The following SEPTIN7 variants were observed in gnomAD, a reference collection of about 807,000 sequenced individuals.
SEPTIN7 encodes the protein septin 7.
In SEPTIN7, 10 loss-of-function variants were observed where a neutral mutation model predicts 63.3. That is an observed-to-expected ratio of 0.16 (90% CI 0.10 to 0.27). SEPTIN7 has a LOEUF of 0.27. SEPTIN7 is among the 10% of genes least tolerant of loss of function. The probability of loss-of-function intolerance (pLI) is 1.00; values close to 1 mark genes in which losing one functional copy is unlikely to be tolerated. For synonymous variants in SEPTIN7, 131 were observed against 165.3 expected (o/e 0.79, Z 1.59); for missense variants, 310 against 521.0 (o/e 0.59, Z 3.94).
At chr7:35,811,668 C>T (rs1453824433) in intron 1 of SEPTIN7, among the ~76,000 whole-genome samples, 1 of 151,962 alleles carries the variant, frequency 6.6e-6, no homozygotes. Flanking sequence ...GGGCTGATCA[C>T]TTGAGGTCAG....
intron 7 of SEPTIN7, among the ~76,000 whole-genome samples, chr7:35,882,193 C>G (rs1786920868): frequency 6.6e-6 from 1 of 151,652 alleles, no homozygotes; most frequent in Non-Finnish European, 1.5e-5. Flanking sequence ...TCAGAGAAAT[C>G]CCTTTCTGGA....
intron 1 of SEPTIN7, among the ~76,000 whole-genome samples, chr7:35,823,802 T>C (rs570197309): frequency 1.3e-5 from 2 of 152,300 alleles, no homozygotes; most frequent in African/African-American, 4.8e-5. Flanking sequence ...AGTCTCTCTC[T>C]CTATTCTTAT....
At chr7:35,805,406 TTTA>T (rs1232710941) in intron 1 of SEPTIN7, among the ~76,000 whole-genome samples, 1 of 152,206 alleles carries the variant, frequency 6.6e-6, no homozygotes, top group African/African-American at 2.4e-5. Context: ...GCCCCAATTT[TTTA>T]TTATTAGTTT....
rs747750476 is a variant in SEPTIN7, at chr7:35,863,586, C to T, written c.204C>T (p.Asn68=). The T allele has an allele frequency of 2.9e-5, 46 of 1,590,672 alleles. No homozygotes were observed. The highest frequency in any genetic ancestry group is 7.7e-6 in the Non-Finnish European group (9 of 1,175,408). Residue 68 remains asparagine, a synonymous_variant, in exon 4 of 14, where the codon AAC becomes AAT. Coordinates refer to ENST00000350320, the MANE Select transcript of SEPTIN7 (RefSeq NM_001788.6). ...GATTGGGAAAGTCGACATTAATCAA[C>T]TCATTATTCCTCACAGATTTGTATT... ...ESGLGKSTLI[N]SLFLTDLYSP...
At chr7:35,839,280 T>C (rs1583540224) in intron 3 of SEPTIN7, among the ~76,000 whole-genome samples, 1 of 152,220 alleles carries the variant, frequency 6.6e-6, no homozygotes, top group East Asian at 1.9e-4. Flanking sequence ...TAATCATTAA[T>C]ATATGCTGTG....
intron 3 of SEPTIN7, among the ~76,000 whole-genome samples, chr7:35,838,181 T>C (rs979163014): frequency 1.3e-5 from 2 of 152,094 alleles, no homozygotes; most frequent in African/African-American, 4.8e-5. Context: ...GACATTTTTT[T>C]CCAGAATTTT....
At chr7:35,852,810 A>G (rs1360360976) in intron 3 of SEPTIN7, among the ~76,000 whole-genome samples, 1 of 152,166 alleles carries the variant, frequency 6.6e-6, no homozygotes, top group Non-Finnish European at 1.5e-5. Context: ...GAGTCAATAC[A>G]ATAACCTACA....
At chr7:35,872,890 A>G in intron 5 of SEPTIN7, 124 bp downstream of exon 5, 1 of 668,866 alleles carries the variant, frequency 1.5e-6, no homozygotes, top group South Asian at 1.9e-5. Flanking sequence ...AAGCAACATG[A>G]CTTGGGTTTG....
In SEPTIN7 at chr7:35,904,275, GA is replaced by G; in HGVS notation, c.1299del (p.Lys435ArgfsTer14). ...SSRTLEKNKK[K>X]GKIF ...TTAGAACCTTGGAAAAGAACAAGAA[GA>G]AAGGGAAGATCTTTTAAACTCTCTA... On this transcript the variant is annotated frameshift_variant, in exon 14 of 14. Coordinates refer to ENST00000350320, the MANE Select transcript of SEPTIN7 (RefSeq NM_001788.6). LOFTEE classifies it high-confidence loss of function. 1 of 1,564,404 alleles carries G rather than the reference GA, an allele frequency of 6.4e-7. No individual in the cohort carries two copies. The highest frequency in any genetic ancestry group is 8.7e-7 in the Non-Finnish European group (1 of 1,154,134).
chr7:35,859,319 T>C (rs1785377965), intron 3 of SEPTIN7, among the ~76,000 whole-genome samples: 1 of 152,202 alleles, frequency 6.6e-6, no homozygotes, highest in African/African-American at 2.4e-5. Flanking sequence ...CTAGTTTCCC[T>C]CCATTACTGA....
intron 12 of SEPTIN7, 32 bp from the exon 13 acceptor site, chr7:35,903,044 A>G (rs1396042635): frequency 6.6e-7 from 1 of 1,521,718 alleles, no homozygotes; most frequent in Non-Finnish European, 8.8e-7. Flanking sequence ...TTTCTTAAAT[A>G]GTTTTGTTTT....
chr7:35,892,025 G>A (rs1467464252), intron 11 of SEPTIN7, among the ~76,000 whole-genome samples: 1 of 152,168 alleles, frequency 6.6e-6, no homozygotes, highest in African/African-American at 2.4e-5. Context: ...CCACTGGGCA[G>A]TAGGAATCTA....
At chr7:35,844,607 CTTT>C (rs34242959) in intron 3 of SEPTIN7, among the ~76,000 whole-genome samples, 4 of 150,276 alleles carry the variant, frequency 2.7e-5, no homozygotes, top group African/African-American at 9.8e-5. Context: ...TTTACCTAGT[CTTT>C]TTTTTTTGAG....
intron 1 of SEPTIN7, among the ~76,000 whole-genome samples, chr7:35,804,842 T>G (rs542867838): frequency 4.7e-5 from 7 of 148,430 alleles, no homozygotes; most frequent in East Asian, 3.9e-4. Flanking sequence ...TTTGTTTTTT[T>G]TTTTTTTTTT....
At chr7:35,912,690 A>G in the SEPTIN7 span, among the ~76,000 whole-genome samples, 1 of 152,238 alleles carries the variant, frequency 6.6e-6, no homozygotes, top group African/African-American at 2.4e-5. Context: ...AGGCCTCCAG[A>G]AAAAGAGACA....
chr7:35,873,065 T>A (rs1786256169), intron 5 of SEPTIN7, among the ~76,000 whole-genome samples: 1 of 152,148 alleles, frequency 6.6e-6, no homozygotes, highest in Admixed American at 6.5e-5. Flanking sequence ...AATTTAAAAC[T>A]GTTCACTTTA....
At chr7:35,826,691 C>T (rs1169245026) in intron 1 of SEPTIN7, among the ~76,000 whole-genome samples, 1 of 151,914 alleles carries the variant, frequency 6.6e-6, no homozygotes, top group Non-Finnish European at 1.5e-5. Flanking sequence ...ATTAGGCATC[C>T]ATTCTGTTAC....
chr7:35,839,945 G>C (rs1423008636), intron 3 of SEPTIN7, among the ~76,000 whole-genome samples: 2 of 152,084 alleles, frequency 1.3e-5, no homozygotes, highest in Non-Finnish European at 2.9e-5. Context: ...TAAACACACA[G>C]AGTTTTGTTA....
At chr7:35,871,978 T>C (rs539934992) in intron 4 of SEPTIN7, among the ~76,000 whole-genome samples, 1 of 152,184 alleles carries the variant, frequency 6.6e-6, no homozygotes, top group Non-Finnish European at 1.5e-5. Flanking sequence ...GTTGTTATCA[T>C]TTAAGTCCAA....
Sources: gnomAD v4.1 joint callset for allele counts (sites outside exome capture counted in the v4.1 genomes callset) on GRCh38, gnomAD v4.1.1 for gene constraint, MANE v1.5 for transcripts, NCBI Gene and HGNC (gene_info 2026-07-23, HGNC 2026-07-21) for gene names.